Variants in SLC12A3 observed in about 807,000 individuals in gnomAD.
SLC12A3 encodes the protein Na-Cl cotransporter.
A neutral mutation model predicts 121.0 loss-of-function variants in SLC12A3; 104 were observed. The ratio of observed to expected loss-of-function variants is 0.86; its 90% CI spans 0.73 to 1.01. The LOEUF (loss-of-function observed/expected upper bound fraction) is 1.01, where lower values mean the gene tolerates loss of function less well. Among genes scored for constraint, SLC12A3 ranks in the 50% least tolerant of loss-of-function variants. The pLI, the probability that SLC12A3 is intolerant of heterozygous loss-of-function variation, is 0.00. For missense variants in SLC12A3, 1,328 were observed against 1,356.3 expected, an observed-to-expected ratio of 0.98 and a Z score of 0.33; for synonymous variants, 536 against 533.4, an observed-to-expected ratio of 1.00 and a Z score of -0.07.
At chr16:56,876,019 G>T (rs1184029598) in intron 8 of SLC12A3, among the ~76,000 whole-genome samples, 11 of 152,064 alleles carry the variant, frequency 7.2e-5, no homozygotes, top group Non-Finnish European at 7.4e-5. Context: ...CGTTCAGGAG[G>T]CTAAAAGTCC....
At chr16:56,868,437 G>T in intron 3 of SLC12A3, 65 bp downstream of exon 3, 1 of 1,486,092 alleles carries the variant, frequency 6.7e-7, no homozygotes, top group Non-Finnish European at 9.2e-7. Context: ...CAGCTTGCCT[G>T]AATCCTGTTC....
intron 11 of SLC12A3, 66 bp from the exon 12 acceptor site, chr16:56,880,064 G>A (rs1596909312): frequency 1.9e-6 from 3 of 1,583,254 alleles, no homozygotes; most frequent in Non-Finnish European, 2.6e-6. Context: ...TGGAGCTCAG[G>A]TGGCCCCAGG....
rs1168785341 is a variant in SLC12A3 at position 56,885,350 on chromosome 16, C to T, written c.1911C>T (p.His637=). The change falls in exon 15 of 26, where the codon CAC becomes CAT. Residue 637 remains histidine, a synonymous_variant. Coordinates refer to ENST00000563236, the MANE Select transcript of SLC12A3 (RefSeq NM_001126108.2). ...TGGGCCTCAATGAGGTGGAAGACCA[C>T]ATCAAGAACTACCGGTGAGCAGAGC... The part of the protein sequence containing the change: ...YSVGLNEVED[H]IKNYRPQCLV... 1.0e-5 allele frequency: 16 copies of T among 1,552,230 alleles called. No individual in the cohort carries two copies. The highest frequency in any genetic ancestry group is 1.4e-5 in the Non-Finnish European group (16 of 1,146,414).
intron 11 of SLC12A3, 111 bp from the exon 12 acceptor site, chr16:56,880,019 G>A: frequency 7.3e-7 from 1 of 1,364,928 alleles, no homozygotes. Context: ...CCAGGACCCA[G>A]GTTGGGGAGG....
At position 56,879,083 on chromosome 16, in the gene SLC12A3, G is replaced by A. The variant is rs746405833; in HGVS notation, c.1191G>A (p.Val397=). Reference sequence around the variant, plus strand: ...CCTTCCTCCTCTCAGGCTCCTGCGTGGTGCGTGATGCCTCTGGGGTCCTGA... The same window carrying A: ...CCTTCCTCCTCTCAGGCTCCTGCGTAGTGCGTGATGCCTCTGGGGTCCTGA... The part of the protein sequence containing the change: ...LAISATIGSC[V]VRDASGVLND... Residue 397 remains valine (V), a synonymous_variant, in exon 10 of 26, where the codon GTG becomes GTA. Coordinates refer to ENST00000563236, the MANE Select transcript of SLC12A3 (RefSeq NM_001126108.2). 1.2e-6 allele frequency: 2 copies of A among 1,611,090 alleles called. No individual in the cohort carries two copies. The highest frequency in any genetic ancestry group is 1.7e-6 in the Non-Finnish European group (2 of 1,179,094).
chr16:56,881,673 A>C (rs1445248331), intron 12 of SLC12A3, among the ~76,000 whole-genome samples: 1 of 152,018 alleles, frequency 6.6e-6, no homozygotes, highest in Non-Finnish European at 1.5e-5. Flanking sequence ...GGGAAGAGGA[A>C]GCAGTTCTTG....
rs369344478 is a variant in SLC12A3 at position 56,870,198 on chromosome 16, C to T, written c.704C>T (p.Thr235Met). The change falls in exon 5 of 26, where the codon ACG (threonine) becomes ATG (methionine). Residue 235 changes from threonine to methionine, a missense_variant. Physicochemically the swap from Thr to Met is moderately conservative, Grantham distance 81. Transcript: ENST00000563236. ...AATGCCGTGGGTGTGGCCATGCACA[C>T]GGTGGGCTTTGCAGAGACCGTGCGG... ...FANAVGVAMH[T>M]VGFAETVRDL... 81 of 1,613,860 alleles carry T rather than the reference C, an allele frequency of 5.0e-5. No homozygotes were observed. The East Asian group carries it at 9.4e-4, about 19-fold the overall frequency.
chr16:56,870,520 G>A (rs559241445), intron 5 of SLC12A3, 106 bp from the exon 6 acceptor site: 13 of 839,150 alleles, frequency 1.5e-5, no homozygotes, highest in South Asian at 5.5e-5. Context: ...AGTTAACATC[G>A]TCCTAGCAGA....
At position 56,886,839 on chromosome 16, in the gene SLC12A3, G is replaced by A; in HGVS notation, c.2038-114G>A. 5.7e-6 allele frequency: 8 copies of A among 1,410,966 alleles called. No individual in the cohort carries two copies. In the South Asian group the frequency reaches 9.7e-5, roughly 17 times the overall value. 87.4% of individuals were successfully genotyped at this position (1,410,966 alleles called of 1,614,324 possible). On this transcript the variant is annotated intron_variant, in intron 16 of 25. Transcript: ENST00000563236. ...TTCCCTTATCTGGGCAAAAGAAAAG[G>A]GCACCGTGGGTGCTGCCAAGCCCCT...
chr16:56,870,879 T>G (rs759558882), intron 6 of SLC12A3, 143 bp downstream of exon 6: 13 of 606,646 alleles, frequency 2.1e-5, no homozygotes, highest in Middle Eastern at 4.4e-4. Context: ...TCGATGTCCA[T>G]GCTGGAGTGC....
In SLC12A3 at chr16:56,870,172, C is replaced by G. The variant is rs530025954; in HGVS notation, c.678C>G (p.Ala226=). 1.2e-6 allele frequency: 2 copies of G among 1,614,108 alleles called. No individual in the cohort carries two copies. The highest frequency in any genetic ancestry group is 3.3e-5 in the Admixed American group (2 of 60,034). ...CCATCGGCCTCATTTTCGCTTTCGC[C>G]AATGCCGTGGGTGTGGCCATGCACA... ...GGSIGLIFAF[A]NAVGVAMHTV... Residue 226 remains alanine, a synonymous_variant, in exon 5 of 26, where the codon GCC becomes GCG. Coordinates refer to ENST00000563236, the MANE Select transcript of SLC12A3 (RefSeq NM_001126108.2).
chr16:56,871,817 G>A (rs183792784), intron 6 of SLC12A3, among the ~76,000 whole-genome samples: 227 of 152,138 alleles, frequency 1.5e-3, no homozygotes, highest in African/African-American at 4.5e-3. Flanking sequence ...CCGCCTCCTC[G>A]TCTCAAGCAA....
Position 56,894,405 on chromosome 16 carries a change from G to A in SLC12A3, c.2522-126G>A, listed in dbSNP as rs534436112. ...TTCAGTCAGCCATGTTCATTATACAGATGGGTCGACTGGGGTCCAGCGAGG... is the reference window on the plus strand; with the variant it reads ...TTCAGTCAGCCATGTTCATTATACAAATGGGTCGACTGGGGTCCAGCGAGG... On this transcript the variant is annotated intron_variant, in intron 21 of 25. Coordinates refer to ENST00000563236, the MANE Select transcript of SLC12A3 (RefSeq NM_001126108.2). 13 of 723,510 alleles carry A rather than the reference G, an allele frequency of 1.8e-5. No individual in the cohort carries two copies. The Admixed American group carries it at 1.8e-4, about 10-fold the overall frequency. 44.8% of individuals were successfully genotyped at this position (723,510 alleles called of 1,614,324 possible).
At chr16:56,866,449 C>T (rs1964358757) in intron 1 of SLC12A3, among the ~76,000 whole-genome samples, 1 of 152,198 alleles carries the variant, frequency 6.6e-6, no homozygotes, top group Non-Finnish European at 1.5e-5. Context: ...ACTAGGAGAC[C>T]TCCCAGTGCC....
At chr16:56,879,907 C>T (rs367864968) in intron 11 of SLC12A3, among the ~76,000 whole-genome samples, 31 of 152,294 alleles carry the variant, frequency 2.0e-4, no homozygotes, top group African/African-American at 7.5e-4. Flanking sequence ...CATTCAAGCT[C>T]TACCCGAAGC....
chr16:56,895,191 A>AGTTT (rs1567443209), intron 22 of SLC12A3, among the ~76,000 whole-genome samples: 1 of 111,934 alleles, frequency 8.9e-6, no homozygotes, highest in Admixed American at 9.3e-5. Flanking sequence ...TATATATTTT[A>AGTTT]ATTTTTTTTT....
chr16:56,867,046 G>A, intron 1 of SLC12A3, 24 bp from the exon 2 acceptor site: 2 of 1,609,144 alleles, frequency 1.2e-6, no homozygotes, highest in Non-Finnish European at 1.7e-6. Flanking sequence ...CTACCTGCCT[G>A]ACTTGTGGTC....
rs79878409 is a variant in SLC12A3, at chr16:56,901,033, A to C, written c.2721-1340A>C. Among the ~76,000 whole-genome samples, 1,019 of 151,260 alleles carry C rather than the reference A, an allele frequency of 6.7e-3. 14 individuals are homozygous for C. The highest frequency in any genetic ancestry group is 0.023 in the African/African-American group (957 of 41,362). Reference sequence around the variant, plus strand: ...CTTGCCAGCATCATCAGTGACCTCCACGTTGCCACACCCACAGAGTCCTCT... The same window carrying C: ...CTTGCCAGCATCATCAGTGACCTCCCCGTTGCCACACCCACAGAGTCCTCT... On this transcript the variant is annotated intron_variant, in intron 23 of 25. Coordinates refer to ENST00000563236, the MANE Select transcript of SLC12A3 (RefSeq NM_001126108.2).
chr16:56,912,326 C>CAGA (rs2055697162), intron 25 of SLC12A3, among the ~76,000 whole-genome samples: 2 of 152,250 alleles, frequency 1.3e-5, no homozygotes, highest in Admixed American at 1.3e-4. Flanking sequence ...AAGTCACTTC[C>CAGA]TGAAATAGTT....
Sources: allele counts gnomAD v4.1 joint callset (sites outside exome capture counted in the v4.1 genomes callset), GRCh38; gene constraint gnomAD v4.1.1; transcripts MANE v1.5; gene names NCBI Gene and HGNC (gene_info 2026-07-23, HGNC 2026-07-21).